Variants in AGTPBP1 observed in about 807,000 individuals in gnomAD.
AGTPBP1 encodes the protein ATP/GTP binding carboxypeptidase 1.
Under a neutral mutation model 143.9 loss-of-function variants are expected in AGTPBP1, and 70 were observed. The ratio of observed to expected loss-of-function variants is 0.49; its 90% CI spans 0.40 to 0.59. The LOEUF is 0.59. AGTPBP1 is among the 20% of genes least tolerant of loss of function. The pLI, the probability that AGTPBP1 is intolerant of heterozygous loss-of-function variation, is 0.00. For synonymous variants in AGTPBP1, 463 were observed against 500.2 expected, an observed-to-expected ratio of 0.93 and a Z score of 0.99; for missense variants, 1,229 against 1,464.5, an observed-to-expected ratio of 0.84 and a Z score of 2.62.
At chr9:85,767,041 C>CT in the AGTPBP1 span, among the ~76,000 whole-genome samples, 1 of 140,946 alleles carries the variant, frequency 7.1e-6, no homozygotes, top group Admixed American at 7.1e-5. Context: ...AATCCAGAAA[C>CT]TAAAATTAAA....
At chr9:85,586,455 T>C (rs1422883747) in intron 22 of AGTPBP1, among the ~76,000 whole-genome samples, 1 of 152,184 alleles carries the variant, frequency 6.6e-6, no homozygotes, top group African/African-American at 2.4e-5. Context: ...AAGGAGCGTA[T>C]GTATACAGTC....
intron 17 of AGTPBP1, among the ~76,000 whole-genome samples, chr9:85,596,859 T>C (rs888118457): frequency 3.9e-4 from 60 of 152,106 alleles, no homozygotes; most frequent in Admixed American, 1.3e-4. Context: ...AATGGCATCT[T>C]TGCTTTCCTC....
At chr9:85,636,748 C>CA (rs1334630529) in intron 13 of AGTPBP1, among the ~76,000 whole-genome samples, 2 of 151,818 alleles carry the variant, frequency 1.3e-5, no homozygotes, top group Non-Finnish European at 2.9e-5. Flanking sequence ...AGAGGGAGGG[C>CA]AAAAACAAAA....
At chr9:85,779,196 TATAGATATAGATATAG>T in the AGTPBP1 span, among the ~76,000 whole-genome samples, 1 of 90,784 alleles carries the variant, frequency 1.1e-5, no homozygotes, top group Non-Finnish European at 2.4e-5. Flanking sequence ...TAGATATAGA[TATAGATATAGATATAG>T]ATATAGATAT....
intron 23 of AGTPBP1, 94 bp from the exon 24 acceptor site, chr9:85,579,190 T>C (rs1828084183): frequency 2.4e-6 from 3 of 1,258,238 alleles, no homozygotes; most frequent in Non-Finnish European, 3.3e-6. Context: ...ACACAGTAAT[T>C]AGAGCAAAGC....
chr9:85,585,735 G>A, intron 22 of AGTPBP1, 141 bp from the exon 23 acceptor site: 1 of 625,112 alleles, frequency 1.6e-6, no homozygotes, highest in Non-Finnish European at 2.4e-6. Context: ...TTAACAATTA[G>A]AACCAACAAA....
chr9:85,629,322 AG>A (rs1455849483), intron 14 of AGTPBP1, among the ~76,000 whole-genome samples: 1 of 152,216 alleles, frequency 6.6e-6, no homozygotes, highest in African/African-American at 2.4e-5. Context: ...TTACATTTAC[AG>A]GACAATTCTG....
chr9:85,611,737 A>T (rs1830329111), intron 17 of AGTPBP1, among the ~76,000 whole-genome samples: 1 of 152,134 alleles, frequency 6.6e-6, no homozygotes, highest in Non-Finnish European at 1.5e-5. Flanking sequence ...CTGGAGTGCA[A>T]TAGCACAGTC....
At chr9:85,746,451 C>T (rs987982238), upstream of AGTPBP1, among the ~76,000 whole-genome samples, 4 of 152,060 alleles carry the variant, frequency 2.6e-5, no homozygotes, top group Admixed American at 1.3e-4. Context: ...GTGAGACCCC[C>T]CACATCTCTA....
At chr9:85,552,892 G>GA (rs1203474170) in intron 25 of AGTPBP1, among the ~76,000 whole-genome samples, 1 of 152,178 alleles carries the variant, frequency 6.6e-6, no homozygotes, top group Non-Finnish European at 1.5e-5. Flanking sequence ...TGCAGAAACA[G>GA]AAAAATATGC....
chr9:85,762,643 G>A, the AGTPBP1 span, among the ~76,000 whole-genome samples: 1 of 151,074 alleles, frequency 6.6e-6, no homozygotes, highest in Non-Finnish European at 1.5e-5. Flanking sequence ...AGGGGGCAGC[G>A]ATAGCATTAG....
In AGTPBP1 at chr9:85,574,213, G is replaced by C. The variant is rs571804972; in HGVS notation, c.3503+1102C>G. ...CTGAAACATGTGCTGTGTCCACTCA[G>C]GGTTAAATGGATTAAGGGCGGTGCA... On this transcript the variant is annotated intron_variant, in intron 25 of 25. Coordinates refer to ENST00000357081, the MANE Select transcript of AGTPBP1 (RefSeq NM_001330701.2). Among the ~76,000 whole-genome samples, 6 of 152,130 alleles carry C rather than the reference G, an allele frequency of 3.9e-5. No homozygotes were observed. In the South Asian group the frequency reaches 1.2e-3, roughly 32 times the overall value.
Position 85,630,163 on chromosome 9 carries a change from C to T in AGTPBP1, c.2015+2499G>A, listed in dbSNP as rs528580188. Among the ~76,000 whole-genome samples the T allele has an allele frequency of 2.6e-5, 4 of 152,314 alleles. No individual in the cohort carries two copies. In the South Asian group the frequency reaches 8.3e-4, roughly 32 times the overall value. On this transcript the variant is annotated intron_variant, in intron 14 of 25. Coordinates refer to ENST00000357081, the MANE Select transcript of AGTPBP1 (RefSeq NM_001330701.2). ...GAAAAGAAGAAATATCAAGTTGCTG[C>T]CTGACTCTGACTCACTCCAGGTGGG... is the stretch of plus-strand genomic sequence containing the variant.
chr9:85,619,001 T>C lies in AGTPBP1; in HGVS notation c.2317A>G (p.Asn773Asp), dbSNP rs999758676. The change falls in exon 17 of 26, where the codon AAC becomes GAC. Residue 773 changes from asparagine to aspartate, a missense_variant. This residue lies in a region of AGTPBP1 where 486 missense variants were observed against 652.3 expected (regional missense o/e 0.75). Coordinates refer to ENST00000357081, the MANE Select transcript of AGTPBP1 (RefSeq NM_001330701.2). ...RFNIINCEKS[N>D]SQFNYGMQPL... The stretch of plus-strand genomic sequence containing the variant: ...GTCTTACCATAATTAAACTGACTGT[T>C]GGACTTTTCACAGTTAATGATGTTA... The C allele has an allele frequency of 6.2e-7, 1 of 1,613,330 alleles. No individual in the cohort carries two copies. Among genetic ancestry groups the C allele is most frequent in the South Asian group, 1.1e-5 (1 of 90,880 alleles).
chr9:85,713,869 A>T (rs114410730), intron 1 of AGTPBP1, among the ~76,000 whole-genome samples: 1,824 of 152,326 alleles, frequency 0.012, 36 homozygotes, highest in African/African-American at 0.042. Context: ...TTAAGACACA[A>T]CTACAAAATC....
chr9:85,653,148 A>C (rs1224381953), intron 11 of AGTPBP1, among the ~76,000 whole-genome samples: 1 of 151,342 alleles, frequency 6.6e-6, no homozygotes, highest in Non-Finnish European at 1.5e-5. Flanking sequence ...AAGGGCATGT[A>C]GTCCCAGCTA....
intron 2 of AGTPBP1, among the ~76,000 whole-genome samples, chr9:85,700,465 C>T (rs111790703): frequency 2.5e-4 from 38 of 152,288 alleles, no homozygotes; most frequent in African/African-American, 8.4e-4. Context: ...CTCATTTCAC[C>T]GGCTAAAGCA....
At chr9:85,663,363 C>T (rs1267141004) in intron 8 of AGTPBP1, among the ~76,000 whole-genome samples, 1 of 152,030 alleles carries the variant, frequency 6.6e-6, no homozygotes, top group Admixed American at 6.6e-5. Flanking sequence ...GGGTAGAGTG[C>T]TCGGAAGGAT....
the AGTPBP1 span, among the ~76,000 whole-genome samples, chr9:85,782,950 T>C: frequency 1.3e-5 from 2 of 152,054 alleles, no homozygotes; most frequent in Non-Finnish European, 2.9e-5. Context: ...AGAAACAAAA[T>C]AGTCAACATA....
Sources: allele counts gnomAD v4.1 joint callset (sites outside exome capture counted in the v4.1 genomes callset), GRCh38; gene constraint gnomAD v4.1.1; regional missense constraint gnomAD v4.1.1; transcripts MANE v1.5; gene names NCBI Gene and HGNC (gene_info 2026-07-23, HGNC 2026-07-21).